GARRE1: variants seen among roughly 807,000 people sequenced by gnomAD.
The protein encoded by GARRE1 is granule associated Rac and RHOG effector protein 1.
A neutral mutation model predicts 103.2 loss-of-function variants in GARRE1; 49 were observed. That is an observed-to-expected ratio of 0.47 (90% confidence interval 0.38 to 0.60). The LOEUF is 0.60. Ranked by LOEUF, GARRE1 falls within the 20% of genes least tolerant of loss-of-function variation. GARRE1 has a pLI of 0.00. For missense variants in GARRE1, 1,199 were observed against 1,370.5 expected (o/e 0.87, Z 1.98); for synonymous variants, 505 against 532.8 (o/e 0.95, Z 0.72).
chr19:34,288,462 T>C (rs1488236710), intron 1 of GARRE1, among the ~76,000 whole-genome samples: 1 of 152,204 alleles, frequency 6.6e-6, no homozygotes, highest in Non-Finnish European at 1.5e-5. Flanking sequence ...GCCTCCCCTG[T>C]GTGCAATCAG....
chr19:34,334,630 C>T (rs770031565), intron 8 of GARRE1, among the ~76,000 whole-genome samples: 83 of 147,518 alleles, frequency 5.6e-4, no homozygotes, highest in Middle Eastern at 3.5e-3. Flanking sequence ...ACCCAGGAGG[C>T]GGAGGTTGCA....
At chr19:34,283,981 G>A (rs1436976921) in intron 1 of GARRE1, among the ~76,000 whole-genome samples, 8 of 151,108 alleles carry the variant, frequency 5.3e-5, no homozygotes, top group South Asian at 2.1e-4. Context: ...ACAGGCGCCC[G>A]CCACCATACC....
Position 34,348,121 on chromosome 19 carries a change from T to C in GARRE1, c.2687+79T>C. On this transcript the variant is annotated intron_variant, in intron 11 of 13. Transcript: ENST00000299505. ...GGGGCCTGTGAGAAGAGAGGCTCCT[T>C]GCCTGTGTGCATTCTTTTCAGGCAG... 7 of 1,214,822 alleles carry C rather than the reference T, an allele frequency of 5.8e-6. No homozygotes were observed. In the South Asian group the frequency reaches 1.6e-4, roughly 28 times the overall value. 75.3% of individuals were successfully genotyped at this position (1,214,822 alleles called of 1,614,324 possible).
In GARRE1 at chr19:34,352,393, GCA is replaced by G. The variant is rs2074242980; in HGVS notation, c.2905-253_2905-252del. Among the ~76,000 whole-genome samples, 21 of 146,426 alleles carry G rather than the reference GCA, an allele frequency of 1.4e-4. No individual in the cohort carries two copies. The South Asian group carries it at 4.6e-3, about 32-fold the overall frequency. On this transcript the variant is annotated intron_variant, in intron 13 of 13. Transcript: ENST00000299505. ...CTCCAGCCTGGGCGAGAGACAGACT[GCA>G]TCTCAAAAAAAAAAAAAAAAAGTTC...
At chr19:34,275,121 T>C (rs2073809325) in intron 1 of GARRE1, among the ~76,000 whole-genome samples, 1 of 152,032 alleles carries the variant, frequency 6.6e-6, no homozygotes, top group Non-Finnish European at 1.5e-5. Flanking sequence ...AGGGTAGATA[T>C]TTGGATTTGC....
Position 34,300,563 on chromosome 19 carries a change from G to C in GARRE1, c.90G>C (p.Gln30His), listed in dbSNP as rs2073972452. ...CCAAGCAGAAGGTGCAGCAGCACCAGCAATACCCGATGCCTGAGCTGGGCC... is the reference window on the plus strand; with the variant it reads ...CCAAGCAGAAGGTGCAGCAGCACCACCAATACCCGATGCCTGAGCTGGGCC... ...GGSKQKVQQHQQYPMPELGRA... is the reference protein window; with the variant it reads ...GGSKQKVQQHHQYPMPELGRA... The change falls in exon 2 of 14, where the codon CAG (glutamine) becomes CAC (histidine). Residue 30 changes from glutamine to histidine, a missense_variant. Physicochemically the swap from Gln to His is conservative, Grantham distance 24. Coordinates refer to ENST00000299505, the MANE Select transcript of GARRE1 (RefSeq NM_014686.5). 1 of 1,613,508 alleles carries C rather than the reference G, an allele frequency of 6.2e-7. No homozygotes were observed. Among genetic ancestry groups the C allele is most frequent in the Admixed American group, 1.7e-5 (1 of 60,026 alleles).
intron 7 of GARRE1, 25 bp downstream of exon 7, chr19:34,330,372 A>C: frequency 1.9e-6 from 3 of 1,611,188 alleles, no homozygotes; most frequent in Non-Finnish European, 2.5e-6. Flanking sequence ...GTGGTGGATG[A>C]TAGGTAGAAT....
intron 1 of GARRE1, among the ~76,000 whole-genome samples, chr19:34,284,478 C>G (rs932014128): frequency 3.3e-5 from 5 of 152,166 alleles, no homozygotes; most frequent in African/African-American, 7.2e-5. Context: ...TCGCTGATGA[C>G]TCTAATTGTA....
In GARRE1 at chr19:34,349,035, T is replaced by C; in HGVS notation, c.2707T>C (p.Trp903Arg). Residue 903 changes from tryptophan to arginine, a missense_variant, in exon 12 of 14, where the codon TGG (tryptophan) becomes CGG (arginine). Transcript: ENST00000299505. Reference sequence around the variant, plus strand: ...TTTCAGGGATGGCCTGCACGGTGGCTGGTCGGGTGCTCAGGGAGACTCTGC... The same window carrying C: ...TTTCAGGGATGGCCTGCACGGTGGCCGGTCGGGTGCTCAGGGAGACTCTGC... ...FTEGDGLHGG[W>R]SGAQGDSASS... 5 of 1,611,768 alleles carry C rather than the reference T, an allele frequency of 3.1e-6. No homozygotes were observed. The highest frequency in any genetic ancestry group is 4.2e-6 in the Non-Finnish European group (5 of 1,179,970).
At chr19:34,304,940 C>T (rs1012830934) in intron 2 of GARRE1, among the ~76,000 whole-genome samples, 3 of 150,886 alleles carry the variant, frequency 2.0e-5, no homozygotes, top group East Asian at 2.0e-4. Context: ...TGCAGGCGCC[C>T]GCCACCACGC....
intron 1 of GARRE1, among the ~76,000 whole-genome samples, chr19:34,298,426 A>T (rs914035521): frequency 2.0e-5 from 3 of 148,102 alleles, no homozygotes; most frequent in Non-Finnish European, 4.5e-5. Flanking sequence ...AAAAAAAAAA[A>T]AGTTGGCCAG....
chr19:34,345,766 G>A (rs575121636), intron 10 of GARRE1, among the ~76,000 whole-genome samples: 1 of 152,368 alleles, frequency 6.6e-6, no homozygotes, highest in African/African-American at 2.4e-5. Flanking sequence ...AGGTTGCAGT[G>A]AGCTGAGATC....
intron 1 of GARRE1, among the ~76,000 whole-genome samples, chr19:34,268,861 CTTAT>C (rs2073768545): frequency 1.3e-5 from 2 of 152,194 alleles, no homozygotes; most frequent in South Asian, 4.2e-4. Flanking sequence ...TACTTTTTTA[CTTAT>C]TAACGTAGTG....
intron 7 of GARRE1, 27 bp from the exon 8 acceptor site, chr19:34,333,677 G>GTTTTTTTTTTTTTT (rs74177138): frequency 4.1e-4 from 277 of 674,448 alleles, no homozygotes; most frequent in South Asian, 9.7e-4. Flanking sequence ...GTTGTTATTT[G>GTTTTTTTTTTTTTT]TTTTTTTTTT....
At chr19:34,273,687 GC>G (rs1295317852) in intron 1 of GARRE1, among the ~76,000 whole-genome samples, 1 of 152,130 alleles carries the variant, frequency 6.6e-6, no homozygotes, top group Non-Finnish European at 1.5e-5. Flanking sequence ...TTAAGGTGGG[GC>G]TAAAAACAGG....
chr19:34,282,991 T>C (rs2073864231), intron 1 of GARRE1, among the ~76,000 whole-genome samples: 1 of 152,224 alleles, frequency 6.6e-6, no homozygotes, highest in Non-Finnish European at 1.5e-5. Flanking sequence ...ATTACTGTTT[T>C]GCTGAGATTC....
At chr19:34,333,877 T>C in intron 8 of GARRE1, 76 bp downstream of exon 8, 2 of 908,500 alleles carry the variant, frequency 2.2e-6, no homozygotes, top group Non-Finnish European at 3.7e-6. Flanking sequence ...TGGCCTTGTT[T>C]TGAACAATGC....
chr19:34,319,281 T>C (rs1204928192), intron 2 of GARRE1, among the ~76,000 whole-genome samples: 1 of 152,214 alleles, frequency 6.6e-6, no homozygotes, highest in Non-Finnish European at 1.5e-5. Flanking sequence ...ATCACTGATA[T>C]ATATCAGGTT....
At chr19:34,338,933 G>C (rs1568310555) in intron 8 of GARRE1, among the ~76,000 whole-genome samples, 1 of 152,130 alleles carries the variant, frequency 6.6e-6, no homozygotes, top group Non-Finnish European at 1.5e-5. Context: ...TGAGAGCTTG[G>C]TCCTGAGACC....
Sources: gnomAD v4.1 joint callset for allele counts (sites outside exome capture counted in the v4.1 genomes callset) on GRCh38, gnomAD v4.1.1 for gene constraint, MANE v1.5 for transcripts, NCBI Gene and HGNC (gene_info 2026-07-23, HGNC 2026-07-21) for gene names.